Variants in LHPP observed in about 807,000 individuals in gnomAD.
The protein encoded by LHPP is phospholysine phosphohistidine inorganic pyrophosphate phosphatase, also known as hLHPP.
In LHPP, 24 loss-of-function variants were observed where a neutral mutation model predicts 30.3. The ratio of observed to expected loss-of-function variants is 0.79; its 90% CI spans 0.57 to 1.11. The LOEUF (loss-of-function observed/expected upper bound fraction) is 1.11, where lower values mean the gene tolerates loss of function less well. Among genes scored for constraint, LHPP ranks in the 50% most tolerant of loss-of-function variants. The probability of loss-of-function intolerance (pLI) is 0.00; values close to 1 mark genes in which losing one functional copy is unlikely to be tolerated. For synonymous variants in LHPP, 150 were observed against 157.1 expected (o/e 0.95, Z 0.34); for missense variants, 356 against 367.2 (o/e 0.97, Z 0.25).
At chr10:124,501,551 G>A (rs555782411) in intron 5 of LHPP, among the ~76,000 whole-genome samples, 22 of 149,024 alleles carry the variant, frequency 1.5e-4, no homozygotes, top group East Asian at 1.2e-3. Flanking sequence ...GCAGTGAGCC[G>A]AGATCGTGCA....
chr10:124,552,731 C>T (rs1948195685), intron 6 of LHPP, among the ~76,000 whole-genome samples: 1 of 152,196 alleles, frequency 6.6e-6, no homozygotes, highest in Non-Finnish European at 1.5e-5. Flanking sequence ...CCCCAAGGTC[C>T]CCGCCTGCAA....
At chr10:124,540,974 C>T (rs1233726207) in intron 6 of LHPP, among the ~76,000 whole-genome samples, 1 of 152,070 alleles carries the variant, frequency 6.6e-6, no homozygotes, top group African/African-American at 2.4e-5. Context: ...ACATTTAGGG[C>T]CAAAGAAAAT....
intron 6 of LHPP, among the ~76,000 whole-genome samples, chr10:124,522,945 A>T (rs1270273960): frequency 4.6e-5 from 7 of 152,148 alleles, no homozygotes; most frequent in Admixed American, 4.6e-4. Flanking sequence ...CCTGCCTCTT[A>T]TATCCCCACC....
intron 5 of LHPP, among the ~76,000 whole-genome samples, chr10:124,508,862 T>C (rs893266955): frequency 6.6e-6 from 1 of 152,164 alleles, no homozygotes; most frequent in African/African-American, 2.4e-5. Context: ...TAATATCCTA[T>C]TGGGGACAAT....
intron 1 of LHPP, among the ~76,000 whole-genome samples, chr10:124,475,789 C>G (rs1371832301): frequency 6.6e-6 from 1 of 152,082 alleles, no homozygotes; most frequent in African/African-American, 2.4e-5. Flanking sequence ...GCTGAGGCTC[C>G]TAGGCTGAGG....
intron 4 of LHPP, 139 bp downstream of exon 4, chr10:124,497,163 C>G (rs1010367917): frequency 1.2e-5 from 8 of 663,160 alleles, no homozygotes; most frequent in Admixed American, 2.8e-5. Flanking sequence ...CCTTCCTATT[C>G]TGGGCTCCCC....
chr10:124,584,974 T>C (rs1357112140), intron 6 of LHPP, among the ~76,000 whole-genome samples: 1 of 152,202 alleles, frequency 6.6e-6, no homozygotes, highest in African/African-American at 2.4e-5. Context: ...TTTTGTATAA[T>C]TACCCTCAGG....
At chr10:124,575,833 ATGAG>A (rs1415280392) in intron 6 of LHPP, among the ~76,000 whole-genome samples, 2 of 152,164 alleles carry the variant, frequency 1.3e-5, no homozygotes, top group African/African-American at 4.8e-5. Flanking sequence ...GTGCATGTGG[ATGAG>A]TGAGTGAAGG....
At chr10:124,600,756 C>T (rs1949010657) in intron 6 of LHPP, among the ~76,000 whole-genome samples, 1 of 152,162 alleles carries the variant, frequency 6.6e-6, no homozygotes, top group Admixed American at 6.5e-5. Flanking sequence ...TGCCCCCCAG[C>T]CCAGATTTCT....
At chr10:124,591,690 T>G (rs547210920) in intron 6 of LHPP, among the ~76,000 whole-genome samples, 1 of 151,994 alleles carries the variant, frequency 6.6e-6, no homozygotes, top group African/African-American at 2.4e-5. Flanking sequence ...ATTTCAGATC[T>G]TTCCTCTCTT....
At chr10:124,601,485 G>T (rs572557199) in intron 6 of LHPP, among the ~76,000 whole-genome samples, 3 of 152,168 alleles carry the variant, frequency 2.0e-5, no homozygotes, top group African/African-American at 4.8e-5. Flanking sequence ...TCAAGGTACC[G>T]CATTTGCCAC....
chr10:124,462,110 C>T (rs533779409), intron 1 of LHPP, 123 bp downstream of exon 1: 5 of 923,830 alleles, frequency 5.4e-6, no homozygotes, highest in African/African-American at 1.8e-5. Flanking sequence ...CTCGGTCTCC[C>T]CCTTCCCACC....
chr10:124,473,883 G>A (rs1214749263), intron 1 of LHPP, among the ~76,000 whole-genome samples: 1 of 152,136 alleles, frequency 6.6e-6, no homozygotes, highest in African/African-American at 2.4e-5. Context: ...GGGAGGCGGA[G>A]GTTGCAGTGA....
At chr10:124,498,285 G>C in intron 5 of LHPP, 157 bp downstream of exon 5, 1 of 1,565,034 alleles carries the variant, frequency 6.4e-7, no homozygotes, top group Non-Finnish European at 8.7e-7. Flanking sequence ...GAAGGAGGGG[G>C]AAGACAGCAA....
At chr10:124,597,740 T>TGA (rs1948967218) in intron 6 of LHPP, among the ~76,000 whole-genome samples, 1 of 147,284 alleles carries the variant, frequency 6.8e-6, no homozygotes, top group Non-Finnish European at 1.5e-5. Flanking sequence ...GAGCCCAGCG[T>TGA]GTGCCCTGCC....
chr10:124,568,838 G>A (rs549723295), intron 6 of LHPP, among the ~76,000 whole-genome samples: 2 of 152,184 alleles, frequency 1.3e-5, no homozygotes, highest in African/African-American at 2.4e-5. Flanking sequence ...TCCTGCTGCC[G>A]GTGGCCTTTT....
chr10:124,595,511 G>C (rs1201813938), intron 6 of LHPP, among the ~76,000 whole-genome samples: 1 of 152,260 alleles, frequency 6.6e-6, no homozygotes, highest in Non-Finnish European at 1.5e-5. Context: ...TGCTGGGAAG[G>C]CTGTCACTCC....
intron 6 of LHPP, among the ~76,000 whole-genome samples, chr10:124,532,638 A>G (rs533505942): frequency 6.6e-6 from 1 of 152,200 alleles, no homozygotes; most frequent in Non-Finnish European, 1.5e-5. Context: ...AATAACAACA[A>G]TCCTCCCTAT....
chr10:124,518,742 A>G (rs1009299822), intron 6 of LHPP, among the ~76,000 whole-genome samples: 1 of 152,226 alleles, frequency 6.6e-6, no homozygotes, highest in Non-Finnish European at 1.5e-5. Flanking sequence ...AGGTGCCCCT[A>G]TAAACTGAGA....
Sources: gnomAD v4.1 joint callset for allele counts (sites outside exome capture counted in the v4.1 genomes callset) on GRCh38, gnomAD v4.1.1 for gene constraint, MANE v1.5 for transcripts, NCBI Gene and HGNC (gene_info 2026-07-23, HGNC 2026-07-21) for gene names.